GRIN3A: variants seen among roughly 807,000 people sequenced by gnomAD.
GRIN3A encodes the protein glutamate receptor ionotropic, NMDA 3A.
A neutral mutation model predicts 92.4 loss-of-function variants in GRIN3A; 47 were observed. That is an observed-to-expected ratio of 0.51 (90% CI 0.40 to 0.65). GRIN3A has a LOEUF of 0.65. Ranked by LOEUF, GRIN3A falls within the 30% of genes least tolerant of loss-of-function variation. The pLI, the probability that GRIN3A is intolerant of heterozygous loss-of-function variation, is 0.00. For synonymous variants in GRIN3A, 527 were observed against 540.6 expected, an observed-to-expected ratio of 0.97 and a Z score of 0.35; for missense variants, 1,324 against 1,393.1, an observed-to-expected ratio of 0.95 and a Z score of 0.79.
In GRIN3A at chr9:101,737,731, T is replaced by G; in HGVS notation, c.249A>C (p.Pro83=). ...RAGAQRDEPE[P]GTRRSPAPSP... is the part of the protein sequence containing the mutation. ...AGGGCGCCGGGGACCGCCTAGTCCC[T>G]GGCTCCGGCTCATCCCTCTGGGCTC... The change falls in exon 1 of 9, where the codon CCA becomes CCC. Residue 83 remains proline (P), a synonymous_variant. Coordinates refer to ENST00000361820, the MANE Select transcript of GRIN3A (RefSeq NM_133445.3). The G allele has an allele frequency of 6.5e-7, 1 of 1,527,372 alleles. No individual in the cohort carries two copies. The highest frequency in any genetic ancestry group is 1.2e-5 in the South Asian group (1 of 82,494). 94.6% of individuals were successfully genotyped at this position (1,527,372 alleles called of 1,614,324 possible). A position where few individuals can be genotyped will look rare whatever the true frequency, so the allele number is the denominator to read the frequency against.
At chr9:101,614,483 C>T (rs1828411573) in intron 5 of GRIN3A, among the ~76,000 whole-genome samples, 1 of 151,772 alleles carries the variant, frequency 6.6e-6, no homozygotes, top group South Asian at 2.1e-4. Flanking sequence ...TAGTAATATG[C>T]CATTGAATGA....
intron 1 of GRIN3A, among the ~76,000 whole-genome samples, chr9:101,717,374 C>A (rs1361422342): frequency 6.6e-6 from 1 of 152,162 alleles, no homozygotes; most frequent in African/African-American, 2.4e-5. Context: ...AAATAGATTT[C>A]TGTGCTCCAA....
chr9:101,659,845 T>G (rs564405753), intron 3 of GRIN3A, among the ~76,000 whole-genome samples: 2 of 152,010 alleles, frequency 1.3e-5, no homozygotes, highest in Admixed American at 6.6e-5. Context: ...ACAACTGCAG[T>G]TATTTTAAAA....
chr9:101,645,011 T>C (rs1281225631), intron 3 of GRIN3A, among the ~76,000 whole-genome samples: 5 of 151,948 alleles, frequency 3.3e-5, no homozygotes, highest in Non-Finnish European at 7.4e-5. Flanking sequence ...GTTATGAACA[T>C]TCCTAATTTT....
intron 6 of GRIN3A, among the ~76,000 whole-genome samples, chr9:101,588,750 T>C (rs1011259263): frequency 5.3e-5 from 8 of 152,152 alleles, no homozygotes; most frequent in Middle Eastern, 3.4e-3. Context: ...GCATTATGCT[T>C]TTAAAAGAAC....
At chr9:101,666,146 A>C (rs377451542) in intron 3 of GRIN3A, among the ~76,000 whole-genome samples, 44 of 151,832 alleles carry the variant, frequency 2.9e-4, no homozygotes, top group African/African-American at 1.0e-3. Context: ...TTCATGGTGC[A>C]TTCCTTCAAA....
At chr9:101,603,999 G>A (rs1391846354) in intron 6 of GRIN3A, among the ~76,000 whole-genome samples, 2 of 152,196 alleles carry the variant, frequency 1.3e-5, no homozygotes, top group East Asian at 1.9e-4. Flanking sequence ...CCCCTGTGGC[G>A]GTGTGGAATT....
In GRIN3A at chr9:101,594,573, TCAG is replaced by T. The variant is rs1361262632; in HGVS notation, c.2767-15216_2767-15214del. On this transcript the variant is annotated intron_variant, in intron 6 of 8. Coordinates refer to ENST00000361820, the MANE Select transcript of GRIN3A (RefSeq NM_133445.3). ...GTCAGGTTGTTGCCCACCATCATCT[TCAG>T]CACCTGGAAGAGCTCCCCGTTGGAA... is the stretch of plus-strand genomic sequence containing the variant. 5.0e-6 allele frequency: 8 copies of T among 1,614,190 alleles called. No homozygotes were observed. In the East Asian group the frequency reaches 1.8e-4, roughly 36 times the overall value.
At chr9:101,731,152 A>G (rs1171349507) in intron 1 of GRIN3A, among the ~76,000 whole-genome samples, 1 of 152,140 alleles carries the variant, frequency 6.6e-6, no homozygotes, top group Non-Finnish European at 1.5e-5. Flanking sequence ...TAATAGTCCA[A>G]CCTGGAAGTA....
chr9:101,620,326 C>T lies in GRIN3A; in HGVS notation c.2614+2992G>A, dbSNP rs115091749. The stretch of plus-strand genomic sequence containing the variant: ...TGAATGAGCTTCGTTGAGCCTATTT[C>T]GTAGGGGCACTAATTCCATTTTATT... On this transcript the variant is annotated intron_variant, in intron 5 of 8. Coordinates refer to ENST00000361820, the MANE Select transcript of GRIN3A (RefSeq NM_133445.3). 1.5e-3 allele frequency among the ~76,000 whole-genome samples: 225 copies of T among 152,208 alleles called. 1 individual carries two copies. The highest frequency in any genetic ancestry group is 5.2e-3 in the African/African-American group (217 of 41,510).
chr9:101,708,342 C>T (rs1169227217), intron 1 of GRIN3A, among the ~76,000 whole-genome samples: 2 of 152,086 alleles, frequency 1.3e-5, no homozygotes, highest in African/African-American at 4.8e-5. Flanking sequence ...AATTATACGT[C>T]TTTTATGTAT....
chr9:101,710,383 A>T (rs577090465), intron 1 of GRIN3A, among the ~76,000 whole-genome samples: 1 of 152,344 alleles, frequency 6.6e-6, no homozygotes, highest in South Asian at 2.1e-4. Flanking sequence ...AGAGAATGTC[A>T]AGTATATGCA....
chr9:101,628,251 C>G lies in GRIN3A; in HGVS notation c.2498+5G>C. 1.2e-6 allele frequency: 2 copies of G among 1,613,848 alleles called. No individual in the cohort carries two copies. The highest frequency in any genetic ancestry group is 1.7e-6 in the Non-Finnish European group (2 of 1,179,818). ...TTTCTTTGGATCCAAGAGGTTGACA[C>G]TCACTTCAGATACTCCACTCCATCA... On this transcript the variant is annotated splice_donor_5th_base_variant and intron_variant, in intron 4 of 8. Transcript: ENST00000361820.
intron 3 of GRIN3A, among the ~76,000 whole-genome samples, chr9:101,646,801 T>C (rs1828944004): frequency 6.6e-6 from 1 of 151,868 alleles, no homozygotes; most frequent in Non-Finnish European, 1.5e-5. Flanking sequence ...CTCAATTTCC[T>C]TTTTAGATTG....
chr9:101,693,048 T>C (rs1392611442), intron 1 of GRIN3A, among the ~76,000 whole-genome samples: 2 of 152,008 alleles, frequency 1.3e-5, no homozygotes, highest in Non-Finnish European at 2.9e-5. Context: ...CCCCCTTTAA[T>C]AGAAGACAAA....
At chr9:101,576,023 G>A (rs7873986) in intron 8 of GRIN3A, among the ~76,000 whole-genome samples, 9,318 of 152,260 alleles carry the variant, frequency 0.061, 370 homozygotes, top group Admixed American at 0.097. Flanking sequence ...GATATTTGAT[G>A]TGGGTACCTA....
intron 3 of GRIN3A, among the ~76,000 whole-genome samples, chr9:101,654,088 C>T (rs7027697): frequency 0.47 from 71,220 of 151,296 alleles, 16,982 homozygotes; most frequent in Middle Eastern, 0.54. Flanking sequence ...TTTAAAATTG[C>T]GTACCTATTT....
At chr9:101,615,439 C>T (rs182178209) in intron 5 of GRIN3A, among the ~76,000 whole-genome samples, 2 of 144,902 alleles carry the variant, frequency 1.4e-5, no homozygotes, top group East Asian at 2.0e-4. Context: ...TCACTGCAAG[C>T]TCCGCCTCCT....
Position 101,686,915 on chromosome 9 carries a change from C to T in GRIN3A, c.985G>A (p.Gly329Ser). ...KNSTPTVVMFGCDMESIRRIF... is the reference protein window; with the variant it reads ...KNSTPTVVMFSCDMESIRRIF... ...CGCCGGATACTTTCCATGTCGCAGC[C>T]AAACATCACCACTGTGGGTGTGCTG... is the stretch of plus-strand genomic sequence containing the variant. Residue 329 changes from glycine (G) to serine (S), a missense_variant, in exon 2 of 9, where the codon GGC (glycine) becomes AGC (serine). Transcript: ENST00000361820. 6.2e-7 allele frequency: 1 copy of T among 1,614,200 alleles called. No individual in the cohort carries two copies. Among genetic ancestry groups the T allele is most frequent in the Non-Finnish European group, 8.5e-7 (1 of 1,180,030 alleles).
Sources: gnomAD v4.1 joint callset for allele counts (sites outside exome capture counted in the v4.1 genomes callset) on GRCh38, gnomAD v4.1.1 for gene constraint, MANE v1.5 for transcripts, NCBI Gene and HGNC (gene_info 2026-07-23, HGNC 2026-07-21) for gene names.